The following TAFA2 variants were observed in gnomAD, a reference collection of about 807,000 sequenced individuals.
TAFA2 encodes the protein TAFA chemokine like family member 2.
In TAFA2, 7 loss-of-function variants were observed where a neutral mutation model predicts 18.8. The observed-to-expected ratio is 0.37, with a 90% CI of 0.21 to 0.70. The LOEUF is 0.70. Among genes scored for constraint, TAFA2 ranks in the 30% least tolerant of loss-of-function variants. TAFA2 has a pLI of 0.53. For synonymous variants in TAFA2, 60 were observed against 54.2 expected, an observed-to-expected ratio of 1.11 and a Z score of -0.47; for missense variants, 122 against 158.1, an observed-to-expected ratio of 0.77 and a Z score of 1.23.
intron 2 of TAFA2, among the ~76,000 whole-genome samples, chr12:61,807,854 C>T (rs1871690821): frequency 6.6e-6 from 1 of 151,532 alleles, no homozygotes; most frequent in African/African-American, 2.5e-5. Flanking sequence ...TTTGGAATGG[C>T]TATATTTACC....
chr12:61,898,883 A>C (rs1875973810), intron 1 of TAFA2, among the ~76,000 whole-genome samples: 1 of 152,198 alleles, frequency 6.6e-6, no homozygotes, highest in Admixed American at 6.5e-5. Flanking sequence ...ACTTTTCCAA[A>C]CGTTTTATGC....
chr12:62,147,302 G>A (rs1349158965), intron 1 of TAFA2, among the ~76,000 whole-genome samples: 1 of 102,256 alleles, frequency 9.8e-6, no homozygotes, highest in Non-Finnish European at 2.0e-5. Flanking sequence ...ATATATGTAT[G>A]CATGTGTGTG....
chr12:62,177,540 C>T (rs2062522073), intron 1 of TAFA2, among the ~76,000 whole-genome samples: 1 of 152,232 alleles, frequency 6.6e-6, no homozygotes, highest in East Asian at 1.9e-4. Context: ...GCTAACAGTA[C>T]ACTAATGACT....
intron 1 of TAFA2, among the ~76,000 whole-genome samples, chr12:61,904,462 G>T (rs1054905958): frequency 5.9e-5 from 9 of 152,090 alleles, no homozygotes; most frequent in Non-Finnish European, 1.3e-4. Context: ...TATTCTTGGA[G>T]CAACCACTCT....
chr12:61,928,745 G>C (rs541213819), intron 1 of TAFA2, among the ~76,000 whole-genome samples: 1 of 152,262 alleles, frequency 6.6e-6, no homozygotes, highest in Admixed American at 6.5e-5. Context: ...ATTTACAATA[G>C]CAAAGACTTG....
chr12:61,746,190 C>T (rs1868700132), intron 4 of TAFA2, among the ~76,000 whole-genome samples: 2 of 152,164 alleles, frequency 1.3e-5, no homozygotes, highest in South Asian at 4.1e-4. Flanking sequence ...GAGTGAGTCT[C>T]ATGAGATCTG....
chr12:62,047,161 A>G (rs896665101), intron 1 of TAFA2, among the ~76,000 whole-genome samples: 1 of 152,122 alleles, frequency 6.6e-6, no homozygotes, highest in African/African-American at 2.4e-5. Flanking sequence ...TTCTCTTATC[A>G]AGAGATTTTG....
intron 1 of TAFA2, among the ~76,000 whole-genome samples, chr12:61,870,944 T>C (rs1268632806): frequency 6.6e-6 from 1 of 152,180 alleles, no homozygotes; most frequent in Non-Finnish European, 1.5e-5. Flanking sequence ...GCCCCATACA[T>C]TTGTGAATCT....
intron 1 of TAFA2, among the ~76,000 whole-genome samples, chr12:62,041,149 G>A (rs1473316891): frequency 6.6e-6 from 1 of 152,004 alleles, no homozygotes; most frequent in Non-Finnish European, 1.5e-5. Flanking sequence ...GAAATTATAA[G>A]CCTGCAGGCA....
At chr12:62,221,048 G>A (rs2062758519) in intron 1 of TAFA2, among the ~76,000 whole-genome samples, 2 of 151,808 alleles carry the variant, frequency 1.3e-5, no homozygotes, top group Non-Finnish European at 2.9e-5. Context: ...AGCTTGCAGT[G>A]AGCCAAGTTT....
At chr12:61,760,157 A>T (rs1452738751) in intron 2 of TAFA2, among the ~76,000 whole-genome samples, 4 of 150,296 alleles carry the variant, frequency 2.7e-5, no homozygotes, top group African/African-American at 9.8e-5. Context: ...CTTTGTAAAA[A>T]CCTCTCTCAG....
intron 1 of TAFA2, among the ~76,000 whole-genome samples, chr12:62,041,682 C>A (rs376826384): frequency 2.6e-5 from 4 of 152,072 alleles, no homozygotes; most frequent in Non-Finnish European, 5.9e-5. Flanking sequence ...TTAGTTATTC[C>A]TCTCCTCAAT....
chr12:62,079,669 A>C (rs1868290750), intron 1 of TAFA2, among the ~76,000 whole-genome samples: 1 of 151,986 alleles, frequency 6.6e-6, no homozygotes, highest in African/African-American at 2.4e-5. Context: ...GTCTCAAAAA[A>C]AAAAAAAAAT....
At chr12:61,732,989 A>T (rs1349175993) in intron 4 of TAFA2, among the ~76,000 whole-genome samples, 1 of 152,034 alleles carries the variant, frequency 6.6e-6, no homozygotes, top group Non-Finnish European at 1.5e-5. Flanking sequence ...TCTTGGGTTA[A>T]TGAAATCCAA....
At chr12:61,879,969 G>A (rs1875045348) in intron 1 of TAFA2, 5 of 859,816 alleles carry the variant, frequency 5.8e-6, no homozygotes, top group Non-Finnish European at 9.9e-6. Context: ...CACCTGGAAG[G>A]GCTGACTGAT....
chr12:61,728,034 T>TG (rs774006506), intron 4 of TAFA2, among the ~76,000 whole-genome samples: 15 of 104,656 alleles, frequency 1.4e-4, no homozygotes, highest in African/African-American at 6.4e-4. Flanking sequence ...TGAGGGTTGT[T>TG]TTTTTTTTTT....
intron 1 of TAFA2, among the ~76,000 whole-genome samples, chr12:62,189,940 T>TTGTGTGTGTGTG (rs10643306): frequency 0.015 from 2,095 of 141,968 alleles, 32 homozygotes; most frequent in African/African-American, 0.022. Context: ...TGAGTTTGCT[T>TTGTGTGTGTGTG]TGTGTGTGTG....
chr12:61,765,411 T>C (rs1555163356), intron 2 of TAFA2, among the ~76,000 whole-genome samples: 2 of 152,050 alleles, frequency 1.3e-5, no homozygotes, highest in Non-Finnish European at 2.9e-5. Context: ...GTTAAGCCAA[T>C]GATTTTGATG....
At chr12:62,201,766 G>A (rs1266477067) in intron 1 of TAFA2, among the ~76,000 whole-genome samples, 1 of 152,170 alleles carries the variant, frequency 6.6e-6, no homozygotes, top group Non-Finnish European at 1.5e-5. Context: ...AGATGAGTTG[G>A]GAGGGGTCTC....
Sources: allele counts gnomAD v4.1 joint callset (sites outside exome capture counted in the v4.1 genomes callset), GRCh38; gene constraint gnomAD v4.1.1; transcripts MANE v1.5; gene names NCBI Gene and HGNC (gene_info 2026-07-23, HGNC 2026-07-21).